RGS7BP: variants seen among roughly 807,000 people sequenced by gnomAD.
RGS7BP encodes regulator of G protein signaling 7-binding protein.
Under a neutral mutation model 31.3 loss-of-function variants are expected in RGS7BP, and 9 were observed. That is an observed-to-expected ratio of 0.29 (90% confidence interval 0.17 to 0.50). The LOEUF is 0.50. Ranked by LOEUF, RGS7BP falls within the 20% of genes least tolerant of loss-of-function variation. RGS7BP has a pLI of 0.98. For synonymous variants in RGS7BP, 115 were observed against 120.1 expected (o/e 0.96, Z 0.28); for missense variants, 274 against 322.0 (o/e 0.85, Z 1.14).
intron 3 of RGS7BP, among the ~76,000 whole-genome samples, chr5:64,588,764 T>C (rs578051031): frequency 6.6e-6 from 1 of 152,176 alleles, no homozygotes; most frequent in South Asian, 2.1e-4. Flanking sequence ...GAAGTCAAGG[T>C]ATTCTCCCAG....
In RGS7BP at chr5:64,552,523, T is replaced by C. The variant is rs1741820834; in HGVS notation, c.333-23251T>C. On this transcript the variant is annotated intron_variant, in intron 2 of 5. Coordinates refer to ENST00000334025, the MANE Select transcript of RGS7BP (RefSeq NM_001029875.3). ...TTTCTCAACAAAGGAGAATTAGAAC[T>C]GACTCGACATACCTAACATATCTTC... is the stretch of plus-strand genomic sequence containing the variant. Among the ~76,000 whole-genome samples the C allele has an allele frequency of 2.0e-5, 3 of 152,224 alleles. No individual in the cohort carries two copies. The South Asian group carries it at 6.2e-4, about 32-fold the overall frequency.
At chr5:64,607,264 A>G (rs1394542915) in intron 5 of RGS7BP, among the ~76,000 whole-genome samples, 3 of 152,104 alleles carry the variant, frequency 2.0e-5, no homozygotes, top group Middle Eastern at 3.2e-3. Flanking sequence ...TTGTAAACCA[A>G]AAAGTATCTG....
intron 2 of RGS7BP, among the ~76,000 whole-genome samples, chr5:64,563,123 T>A (rs1462247446): frequency 6.6e-6 from 1 of 152,078 alleles, no homozygotes; most frequent in East Asian, 1.9e-4. Context: ...TCTAGGATGA[T>A]ACATTCCTTG....
chr5:64,536,212 T>C (rs1741350560), intron 2 of RGS7BP, among the ~76,000 whole-genome samples: 1 of 152,142 alleles, frequency 6.6e-6, no homozygotes, highest in Admixed American at 6.5e-5. Flanking sequence ...CAGAAGCCCA[T>C]AGCCGTACCA....
At chr5:64,534,514 G>A (rs1320476136) in intron 2 of RGS7BP, among the ~76,000 whole-genome samples, 1 of 152,196 alleles carries the variant, frequency 6.6e-6, no homozygotes, top group Non-Finnish European at 1.5e-5. Context: ...AGAATTTGCA[G>A]AAGGGTTGCA....
At chr5:64,580,150 A>G (rs1239164856) in intron 3 of RGS7BP, among the ~76,000 whole-genome samples, 1 of 152,206 alleles carries the variant, frequency 6.6e-6, no homozygotes. Flanking sequence ...CCACAACCCA[A>G]GAGTATTAAA....
intron 5 of RGS7BP, among the ~76,000 whole-genome samples, chr5:64,602,133 C>A (rs1743234053): frequency 6.6e-6 from 1 of 152,122 alleles, no homozygotes; most frequent in Admixed American, 6.5e-5. Flanking sequence ...ATCAGGACCC[C>A]CACATCCAGA....
At chr5:64,546,985 A>G (rs1198594114) in intron 2 of RGS7BP, among the ~76,000 whole-genome samples, 1 of 152,232 alleles carries the variant, frequency 6.6e-6, no homozygotes, top group Non-Finnish European at 1.5e-5. Context: ...TCTGACTTCC[A>G]TCACCATACT....
At chr5:64,557,627 CT>C (rs1741958794) in intron 2 of RGS7BP, among the ~76,000 whole-genome samples, 1 of 152,140 alleles carries the variant, frequency 6.6e-6, no homozygotes, top group African/African-American at 2.4e-5. Flanking sequence ...AGGAACATGA[CT>C]TTGTGTATCC....
At chr5:64,595,976 T>G (rs1044665034) in intron 4 of RGS7BP, among the ~76,000 whole-genome samples, 4 of 152,188 alleles carry the variant, frequency 2.6e-5, no homozygotes, top group African/African-American at 9.6e-5. Context: ...TTTGGCACCG[T>G]TTGATGGCAC....
intron 5 of RGS7BP, among the ~76,000 whole-genome samples, chr5:64,603,374 T>C (rs887893218): frequency 7.2e-5 from 11 of 152,176 alleles, no homozygotes; most frequent in Non-Finnish European, 5.9e-5. Flanking sequence ...GGGGGAACTT[T>C]CTGGAGCAGT....
chr5:64,549,733 T>A (rs1420252586), intron 2 of RGS7BP, among the ~76,000 whole-genome samples: 1 of 152,190 alleles, frequency 6.6e-6, no homozygotes. Flanking sequence ...GCCACACCCT[T>A]GGTGTTCTCT....
At chr5:64,605,371 G>T (rs907518791) in intron 5 of RGS7BP, among the ~76,000 whole-genome samples, 13 of 152,088 alleles carry the variant, frequency 8.5e-5, no homozygotes, top group Non-Finnish European at 1.6e-4. Context: ...CAGTCCTTCT[G>T]TTTATTCAGT....
At chr5:64,560,089 C>T (rs573457675) in intron 2 of RGS7BP, among the ~76,000 whole-genome samples, 140 of 152,268 alleles carry the variant, frequency 9.2e-4, no homozygotes, top group African/African-American at 3.3e-3. Context: ...CTACATATGT[C>T]ACACTGGCTG....
At chr5:64,588,635 C>T (rs952291866) in intron 3 of RGS7BP, among the ~76,000 whole-genome samples, 6 of 152,140 alleles carry the variant, frequency 3.9e-5, no homozygotes, top group Non-Finnish European at 7.3e-5. Context: ...TGTCTTCTTC[C>T]AGTATCCATG....
At chr5:64,534,327 C>T (rs534746007) in intron 2 of RGS7BP, among the ~76,000 whole-genome samples, 2 of 152,194 alleles carry the variant, frequency 1.3e-5, no homozygotes, top group African/African-American at 2.4e-5. Flanking sequence ...GTCAGGGCCT[C>T]GCTAGGTCAC....
At chr5:64,599,558 G>C (rs1387375776) in intron 5 of RGS7BP, among the ~76,000 whole-genome samples, 1 of 152,190 alleles carries the variant, frequency 6.6e-6, no homozygotes, top group Admixed American at 6.5e-5. Flanking sequence ...AAAATAAGAA[G>C]CAGGGGCCAC....
chr5:64,545,322 G>C (rs999781749), intron 2 of RGS7BP, among the ~76,000 whole-genome samples: 1 of 151,904 alleles, frequency 6.6e-6, no homozygotes, highest in African/African-American at 2.4e-5. Flanking sequence ...TAAATGATGA[G>C]TTAATGGGTG....
chr5:64,533,004 C>T (rs950097775), intron 2 of RGS7BP, among the ~76,000 whole-genome samples: 4 of 152,116 alleles, frequency 2.6e-5, no homozygotes, highest in Non-Finnish European at 4.4e-5. Context: ...CCTTCATTTC[C>T]GAGGGCATTG....
Sources: gnomAD v4.1 joint callset for allele counts (sites outside exome capture counted in the v4.1 genomes callset) on GRCh38, gnomAD v4.1.1 for gene constraint, MANE v1.5 for transcripts, NCBI Gene and HGNC (gene_info 2026-07-23, HGNC 2026-07-21) for gene names.